Variants in DNAH7 observed in about 807,000 individuals in gnomAD.
DNAH7 encodes the protein dynein axonemal heavy chain 7, also known as axonemal beta dynein heavy chain 7.
A neutral mutation model predicts 444.6 loss-of-function variants in DNAH7; 397 were observed. The observed-to-expected ratio is 0.89, with a 90% confidence interval of 0.82 to 0.97. The LOEUF is 0.97. Ranked by LOEUF, DNAH7 falls within the 50% of genes least tolerant of loss-of-function variation. DNAH7 has a pLI of 0.00. For missense variants in DNAH7, 4,902 were observed against 4,800.8 expected (o/e 1.02, Z -0.62); for synonymous variants, 1,636 against 1,624.4 (o/e 1.01, Z -0.17).
intron 5 of DNAH7, among the ~76,000 whole-genome samples, chr2:196,045,958 C>G (rs1340628818): frequency 6.6e-6 from 1 of 151,826 alleles, no homozygotes; most frequent in Non-Finnish European, 1.5e-5. Flanking sequence ...GCACAGAACT[C>G]TAAGATTGAA....
chr2:195,989,825 C>T (rs1607602), intron 12 of DNAH7, among the ~76,000 whole-genome samples: 1 of 152,150 alleles, frequency 6.6e-6, no homozygotes, highest in Non-Finnish European at 1.5e-5. Context: ...GACACCTGTT[C>T]CCTCTTCACT....
In DNAH7 at chr2:195,906,778, CA is replaced by C; in HGVS notation, c.4215del (p.Asn1405LysfsTer7). ...TCAAACATCAGTATATCAGCACCTG[CA>C]TTAATACCTGTAGGTAATCAGGAAT... ...QQILTIQRGI[N>X]AGADILMFEG... On this transcript the variant is annotated frameshift_variant, in exon 27 of 65. Coordinates refer to ENST00000312428, the MANE Select transcript of DNAH7 (RefSeq NM_018897.3). LOFTEE classifies it high-confidence loss of function. 6.2e-7 allele frequency: 1 copy of C among 1,613,286 alleles called. No homozygotes were observed. Among genetic ancestry groups the C allele is most frequent in the Non-Finnish European group, 8.5e-7 (1 of 1,179,534 alleles).
At chr2:195,788,670 A>C (rs73987271) in intron 57 of DNAH7, among the ~76,000 whole-genome samples, 2,398 of 152,336 alleles carry the variant, frequency 0.016, 66 homozygotes, top group African/African-American at 0.054. Flanking sequence ...GAATTGAGCA[A>C]ATCAGTAAAT....
chr2:195,898,301 T>C (rs923882049), intron 28 of DNAH7, among the ~76,000 whole-genome samples: 1 of 152,184 alleles, frequency 6.6e-6, no homozygotes, highest in African/African-American at 2.4e-5. Context: ...TGTTGTGTTC[T>C]GTTTTTGTTT....
intron 48 of DNAH7, among the ~76,000 whole-genome samples, chr2:195,825,316 T>C (rs189474362): frequency 1.5e-4 from 23 of 152,252 alleles, no homozygotes; most frequent in Non-Finnish European, 2.9e-4. Flanking sequence ...AGTATAACTG[T>C]TGAATAAATT....
At chr2:196,020,055 C>T (rs1375466768) in intron 8 of DNAH7, among the ~76,000 whole-genome samples, 1 of 151,842 alleles carries the variant, frequency 6.6e-6, no homozygotes, top group East Asian at 1.9e-4. Context: ...TTACGATGAT[C>T]CACTTCTACT....
rs779172371 is a variant in DNAH7 at position 195,864,653 on chromosome 2, G to T, written c.7002C>A (p.Arg2334=). ...SRISRILKQP[R]SHALLVGVGG... is the part of the protein sequence containing the mutation. ...CAACCCCTACTAGGAGAGCATGGCT[G>T]CGAGGCTGCTTCAGGATCCTGGAAA... Residue 2334 remains arginine (R), a synonymous_variant, in exon 41 of 65, where the codon CGC becomes CGA. Coordinates refer to ENST00000312428, the MANE Select transcript of DNAH7 (RefSeq NM_018897.3). 24 of 1,614,080 alleles carry T rather than the reference G, an allele frequency of 1.5e-5. No individual in the cohort carries two copies. Among genetic ancestry groups the T allele is most frequent in the Non-Finnish European group, 1.8e-5 (21 of 1,180,052 alleles).
At chr2:195,879,775 T>C (rs1205993065) in intron 36 of DNAH7, among the ~76,000 whole-genome samples, 1 of 152,162 alleles carries the variant, frequency 6.6e-6, no homozygotes, top group Non-Finnish European at 1.5e-5. Flanking sequence ...AAAATACTCA[T>C]TTGCCAATAG....
chr2:195,739,103 G>T (rs1225165988), intron 64 of DNAH7, among the ~76,000 whole-genome samples: 2 of 152,174 alleles, frequency 1.3e-5, no homozygotes, highest in Admixed American at 6.5e-5. Flanking sequence ...TTATTCAGGA[G>T]AATCATTATC....
At chr2:195,823,434 T>G (rs1025067307) in intron 49 of DNAH7, among the ~76,000 whole-genome samples, 1 of 152,230 alleles carries the variant, frequency 6.6e-6, no homozygotes, top group African/African-American at 2.4e-5. Flanking sequence ...TTTATTCATC[T>G]TGGAGGGAAT....
intron 45 of DNAH7, 127 bp downstream of exon 45, chr2:195,855,684 G>A: frequency 1.0e-6 from 1 of 968,464 alleles, no homozygotes; most frequent in Non-Finnish European, 1.5e-6. Flanking sequence ...GATGTGGCCT[G>A]CGGGTCATAG....
intron 21 of DNAH7, among the ~76,000 whole-genome samples, chr2:195,933,980 C>T (rs1688876937): frequency 6.6e-6 from 1 of 151,522 alleles, no homozygotes. Context: ...GATTTTTATT[C>T]TTGACTAAAA....
chr2:195,950,110 G>T (rs1021362268), intron 19 of DNAH7, among the ~76,000 whole-genome samples: 6 of 152,130 alleles, frequency 3.9e-5, no homozygotes, highest in Non-Finnish European at 8.8e-5. Flanking sequence ...GATGATGCTG[G>T]CCTCATAAAT....
At chr2:195,989,384 T>A (rs1224724272) in intron 12 of DNAH7, among the ~76,000 whole-genome samples, 1 of 152,198 alleles carries the variant, frequency 6.6e-6, no homozygotes, top group Non-Finnish European at 1.5e-5. Context: ...CTATTCTAAC[T>A]AGAGTGAGGT....
In DNAH7 at chr2:195,808,768, G is replaced by A. The variant is rs1696823055; in HGVS notation, c.9997C>T (p.Arg3333Ter). The A allele has an allele frequency of 8.7e-6, 14 of 1,613,914 alleles. No individual in the cohort carries two copies. The East Asian group carries it at 8.9e-5, about 10-fold the overall frequency. The change falls in exon 53 of 65, where the codon CGA (arginine) becomes TGA (stop). Residue 3333 changes from arginine (R) to a stop codon, truncating the protein, a stop_gained. Transcript: ENST00000312428. LOFTEE classifies it high-confidence loss of function. ...TTGAAGGCAGGCAAATCATCTAATC[G>A]ACATATTTCATCCCAGGATTTCTGA... ...LPQKSWDEIC[R>*]LDDLPAFKTI... is the part of the protein sequence containing the mutation.
intron 54 of DNAH7, among the ~76,000 whole-genome samples, chr2:195,806,107 A>AT (rs11357898): frequency 1.6e-4 from 24 of 149,526 alleles, no homozygotes; most frequent in East Asian, 1.2e-3. Flanking sequence ...GCTAATGTCT[A>AT]TTTTTTTTTT....
At chr2:196,030,496 A>C (rs1234856155) in intron 5 of DNAH7, among the ~76,000 whole-genome samples, 1 of 152,162 alleles carries the variant, frequency 6.6e-6, no homozygotes, top group African/African-American at 2.4e-5. Flanking sequence ...TAAAGTCTTA[A>C]CTCATTTCAG....
intron 5 of DNAH7, among the ~76,000 whole-genome samples, chr2:196,034,310 G>A (rs1696247374): frequency 6.6e-6 from 1 of 151,904 alleles, no homozygotes; most frequent in African/African-American, 2.4e-5. Context: ...AAAATTAATG[G>A]GATTACATTT....
chr2:195,888,487 A>G, intron 32 of DNAH7, 53 bp from the exon 33 acceptor site: 1 of 1,505,300 alleles, frequency 6.6e-7, no homozygotes, highest in East Asian at 2.4e-5. Context: ...TAAAATAAAT[A>G]TGATTTGGCA....
Sources: gnomAD v4.1 joint callset for allele counts (sites outside exome capture counted in the v4.1 genomes callset) on GRCh38, gnomAD v4.1.1 for gene constraint, MANE v1.5 for transcripts, NCBI Gene and HGNC (gene_info 2026-07-23, HGNC 2026-07-21) for gene names.